C14orf39: variants seen among roughly 807,000 people sequenced by gnomAD.
C14orf39 encodes the protein chromosome 14 open reading frame 39.
In C14orf39, 66 loss-of-function variants were observed where a neutral mutation model predicts 85.6. The ratio of observed to expected loss-of-function variants is 0.77; its 90% CI spans 0.63 to 0.95. The LOEUF is 0.95. Ranked by LOEUF, C14orf39 falls within the 40% of genes least tolerant of loss-of-function variation. The probability of loss-of-function intolerance (pLI) is 0.00; values close to 1 mark genes in which losing one functional copy is unlikely to be tolerated. For missense variants in C14orf39, 735 were observed against 663.9 expected (o/e 1.11, Z -1.18); for synonymous variants, 242 against 214.0 (o/e 1.13, Z -1.14).
chr14:60,495,827 T>C, intron 2 of C14orf39: 1 of 293,000 alleles, frequency 3.4e-6, no homozygotes, highest in Non-Finnish European at 6.8e-6. Context: ...CACCTTGAGG[T>C]GTTCCATGGC....
At position 60,484,983 on chromosome 14, in the gene C14orf39, T is replaced by C; in HGVS notation, c.50-46A>G. On this transcript the variant is annotated intron_variant, in intron 2 of 17. Coordinates refer to ENST00000321731, the MANE Select transcript of C14orf39 (RefSeq NM_174978.3). This position sits in a 1 kb window ranked among gnomAD's most constrained non-coding sequence, Gnocchi z 4.2. ...GTGACTTCAATTCATTGTTAAAATA[T>C]CAAATGATCATACAAAAAGCTACCT... 6.3e-7 allele frequency: 1 copy of C among 1,582,396 alleles called. No individual in the cohort carries two copies. Among genetic ancestry groups the C allele is most frequent in the Non-Finnish European group, 8.6e-7 (1 of 1,166,438 alleles).
chr14:60,442,478 T>A (rs1195463851), intron 16 of C14orf39, among the ~76,000 whole-genome samples: 2 of 152,188 alleles, frequency 1.3e-5, no homozygotes, highest in African/African-American at 4.8e-5. Flanking sequence ...GTGGATAGCT[T>A]CATGTCAGTT....
At chr14:60,453,751 C>T (rs763130468) in intron 16 of C14orf39, among the ~76,000 whole-genome samples, 16 of 151,576 alleles carry the variant, frequency 1.1e-4, no homozygotes, top group Non-Finnish European at 2.4e-4. Context: ...AATTATTTTG[C>T]CAATCTCCTT....
At chr14:60,473,237 C>T (rs1341854611) in intron 5 of C14orf39, among the ~76,000 whole-genome samples, 1 of 152,182 alleles carries the variant, frequency 6.6e-6, no homozygotes, top group Non-Finnish European at 1.5e-5. Context: ...CCTTCACCCA[C>T]TTTTTGATGG....
At chr14:60,486,535 C>T (rs576596833), upstream of C14orf39, among the ~76,000 whole-genome samples, 74 of 152,254 alleles carry the variant, frequency 4.9e-4, no homozygotes, top group South Asian at 0.013. Flanking sequence ...CTCATTTGCT[C>T]AGTTTCAAAT....
At position 60,511,238 on chromosome 14, in the gene C14orf39, G is replaced by A; in HGVS notation, c.-144+4157C>T. 6.2e-7 allele frequency: 1 copy of A among 1,613,436 alleles called. No individual in the cohort carries two copies. On this transcript the variant is annotated intron_variant, in intron 1 of 5. Transcript: ENST00000556799. ...CATCTCCATCACGTCCAGCGACAGC[G>A]AGTGCGACATCTGAGTTGCCCATCC... is the stretch of plus-strand genomic sequence containing the variant.
upstream of C14orf39, among the ~76,000 whole-genome samples, chr14:60,487,717 A>C (rs1192541419): frequency 6.6e-6 from 1 of 152,126 alleles, no homozygotes; most frequent in Non-Finnish European, 1.5e-5. Context: ...TGTTTCCCTA[A>C]TGGCGGTACC....
chr14:60,491,608 A>G lies in C14orf39; in HGVS notation c.-8-6522T>C, dbSNP rs1042399321. On this transcript the variant is annotated intron_variant, in intron 2 of 5. Coordinates refer to the C14orf39 transcript ENST00000556799. The surrounding 1 kb of genome is among the most constrained non-coding windows in gnomAD (Gnocchi z 4.5). ...TCCTATCATCCCCCACATCAAATCC[A>G]TCATAAATCCTACCAATTTTTCCTC... Among the ~76,000 whole-genome samples, 1 of 152,110 alleles carries G rather than the reference A, an allele frequency of 6.6e-6. No individual in the cohort carries two copies. The highest frequency in any genetic ancestry group is 2.4e-5 in the African/African-American group (1 of 41,414).
chr14:60,487,430 A>C (rs1892916000), upstream of C14orf39, among the ~76,000 whole-genome samples: 1 of 151,978 alleles, frequency 6.6e-6, no homozygotes, highest in Non-Finnish European at 1.5e-5. Context: ...CCACAGGCTC[A>C]TCCATCATCC....
Position 60,484,868 on chromosome 14 carries a change from C to A in C14orf39, c.106+13G>T, listed in dbSNP as rs1892807912. The A allele has an allele frequency of 4.5e-6, 7 of 1,544,238 alleles. No individual in the cohort carries two copies. The East Asian group carries it at 1.6e-4, about 35-fold the overall frequency. On this transcript the variant is annotated intron_variant, in intron 3 of 17. Transcript: ENST00000321731. This position sits in a 1 kb window ranked among gnomAD's most constrained non-coding sequence, Gnocchi z 4.2. Reference sequence around the variant, plus strand: ...AAAAGACTAAAATATCTTGATCATGCAAAGCTACTTACTATTAATTCTTTG... The same window carrying A: ...AAAAGACTAAAATATCTTGATCATGAAAAGCTACTTACTATTAATTCTTTG...
At chr14:60,497,751 G>A (rs1201111617) in intron 2 of C14orf39, among the ~76,000 whole-genome samples, 5 of 151,984 alleles carry the variant, frequency 3.3e-5, no homozygotes, top group East Asian at 3.9e-4. Context: ...GCATGGTGGC[G>A]GGCGACTGTA....
In C14orf39 at chr14:60,476,241, G is replaced by C. The variant is rs914141430; in HGVS notation, c.323+2059C>G. Among the ~76,000 whole-genome samples the C allele has an allele frequency of 3.9e-5, 6 of 152,254 alleles. No individual in the cohort carries two copies. In the South Asian group the frequency reaches 1.2e-3, roughly 32 times the overall value. On this transcript the variant is annotated intron_variant, in intron 5 of 17. Transcript: ENST00000321731. ...ATTAAGCCTGGGTCACCAGTTCCAG[G>C]TGAGATGACTATGCCACATCCACCC...
chr14:60,487,401 CT>C (rs1477862664), upstream of C14orf39, among the ~76,000 whole-genome samples: 1 of 152,082 alleles, frequency 6.6e-6, no homozygotes. Flanking sequence ...GCCTGACTTA[CT>C]TCAATTAGCA....
intron 11 of C14orf39, among the ~76,000 whole-genome samples, chr14:60,463,296 G>C (rs72720126): frequency 0.012 from 1,833 of 152,050 alleles, 23 homozygotes; most frequent in Non-Finnish European, 0.016. Context: ...TAATTTGTAA[G>C]AGTTACTATG....
At chr14:60,445,262 C>A (rs1378214718) in intron 16 of C14orf39, among the ~76,000 whole-genome samples, 2 of 152,062 alleles carry the variant, frequency 1.3e-5, no homozygotes, top group African/African-American at 4.8e-5. Flanking sequence ...TAAAAAGACA[C>A]AGACTGGAAA....
At chr14:60,509,982 G>C (rs1594631633) in intron 1 of C14orf39, 1 of 1,589,016 alleles carries the variant, frequency 6.3e-7, no homozygotes, top group Non-Finnish European at 8.6e-7. Flanking sequence ...TCGGTACCTA[G>C]AGGCCTCCGC....
chr14:60,494,212 G>A, intron 2 of C14orf39: 1 of 244,496 alleles, frequency 4.1e-6, no homozygotes, highest in African/African-American at 2.3e-5. Flanking sequence ...ACAAAAACAA[G>A]AACATCCATG....
At chr14:60,504,994 C>T (rs1195330373) in intron 1 of C14orf39, among the ~76,000 whole-genome samples, 3 of 152,186 alleles carry the variant, frequency 2.0e-5, no homozygotes, top group African/African-American at 4.8e-5. Flanking sequence ...AACAATTCTG[C>T]ATCACTTTAA....
At chr14:60,438,257 G>A (rs1890350147) in intron 17 of C14orf39, among the ~76,000 whole-genome samples, 1 of 152,078 alleles carries the variant, frequency 6.6e-6, no homozygotes, top group African/African-American at 2.4e-5. Flanking sequence ...TGGATGGACA[G>A]ACAGATGGAT....
Sources: gnomAD v4.1 joint callset for allele counts (sites outside exome capture counted in the v4.1 genomes callset) on GRCh38, gnomAD v4.1.1 for gene constraint, Gnocchi (gnomAD v3.1) non-coding constraint, MANE v1.5 for transcripts, NCBI Gene and HGNC (gene_info 2026-07-23, HGNC 2026-07-21) for gene names.